Variants in PAMR1 observed in about 807,000 individuals in gnomAD.
The protein encoded by PAMR1 is inactive serine protease PAMR1.
In PAMR1, 88 loss-of-function variants were observed where a neutral mutation model predicts 81.8. The observed-to-expected ratio is 1.08, with a 90% CI of 0.91 to 1.28. The LOEUF (loss-of-function observed/expected upper bound fraction) is 1.28, where lower values mean the gene tolerates loss of function less well. Among genes scored for constraint, PAMR1 ranks in the 50% most tolerant of loss-of-function variants. The probability of loss-of-function intolerance (pLI) is 0.00; values close to 1 mark genes in which losing one functional copy is unlikely to be tolerated. For missense variants in PAMR1, 935 were observed against 919.7 expected (o/e 1.02, Z -0.21); for synonymous variants, 336 against 345.3 (o/e 0.97, Z 0.30).
chr11:35,436,591 G>A (rs1345525432), intron 8 of PAMR1, among the ~76,000 whole-genome samples: 1 of 151,730 alleles, frequency 6.6e-6, no homozygotes, highest in African/African-American at 2.4e-5. Context: ...AGCCAAAAAT[G>A]GCTATCTCAT....
intron 10 of PAMR1, among the ~76,000 whole-genome samples, chr11:35,434,070 G>A (rs1855978726): frequency 6.6e-6 from 1 of 152,098 alleles, no homozygotes; most frequent in African/African-American, 2.4e-5. Context: ...TCTACTTTGA[G>A]CCAGGCACTG....
intron 6 of PAMR1, among the ~76,000 whole-genome samples, chr11:35,453,875 A>G (rs1856471543): frequency 6.6e-6 from 1 of 152,240 alleles, no homozygotes; most frequent in Non-Finnish European, 1.5e-5. Context: ...AATAATAAAT[A>G]GCACATTGCC....
At chr11:35,439,827 G>T in intron 7 of PAMR1, 134 bp from the exon 8 acceptor site, 1 of 706,786 alleles carries the variant, frequency 1.4e-6, no homozygotes, top group Non-Finnish European at 2.5e-6. Flanking sequence ...GGCAAGACAT[G>T]TCAGCCAAGC....
intron 4 of PAMR1, among the ~76,000 whole-genome samples, chr11:35,471,624 C>T (rs561105717): frequency 6.6e-6 from 1 of 152,234 alleles, no homozygotes; most frequent in African/African-American, 2.4e-5. Context: ...AGCACCAAGT[C>T]AGAATTTCAG....
chr11:35,436,187 T>C, intron 8 of PAMR1, 52 bp from the exon 9 acceptor site: 1 of 1,192,034 alleles, frequency 8.4e-7, no homozygotes, highest in Non-Finnish European at 1.2e-6. Context: ...AGAAAGTCAC[T>C]GTGGCCTCTT....
intron 10 of PAMR1, among the ~76,000 whole-genome samples, chr11:35,433,376 T>A (rs1855953224): frequency 6.6e-6 from 1 of 152,254 alleles, no homozygotes; most frequent in South Asian, 2.1e-4. Flanking sequence ...TCATTTACAT[T>A]CAAGCCAGTA....
intron 2 of PAMR1, among the ~76,000 whole-genome samples, chr11:35,493,163 G>A (rs2135400847): frequency 6.6e-6 from 1 of 152,152 alleles, no homozygotes; most frequent in African/African-American, 2.4e-5. Context: ...CATCCATAGA[G>A]CTTCTACCTT....
intron 1 of PAMR1, among the ~76,000 whole-genome samples, chr11:35,512,168 T>A (rs1254007737): frequency 6.6e-6 from 1 of 152,134 alleles, no homozygotes; most frequent in African/African-American, 2.4e-5. Context: ...TGAGGAGAGG[T>A]AGAGGATCGA....
chr11:35,515,085 C>T (rs1851138516), intron 1 of PAMR1, among the ~76,000 whole-genome samples: 1 of 152,172 alleles, frequency 6.6e-6, no homozygotes, highest in Admixed American at 6.5e-5. Context: ...ACATTAAAAA[C>T]AATGAAATAT....
intron 6 of PAMR1, chr11:35,453,416 C>T (rs1393071605): frequency 2.0e-5 from 3 of 152,200 alleles, no homozygotes; most frequent in African/African-American, 4.8e-5. Context: ...GGTGTCTGTA[C>T]ATTCGTATCT....
intron 6 of PAMR1, among the ~76,000 whole-genome samples, chr11:35,462,169 G>GA: frequency 6.6e-6 from 1 of 151,986 alleles, no homozygotes; most frequent in South Asian, 2.1e-4. Flanking sequence ...AACCCCATGA[G>GA]AAAAAGGGAG....
At chr11:35,466,977 C>T (rs2135374516) in intron 6 of PAMR1, among the ~76,000 whole-genome samples, 1 of 152,140 alleles carries the variant, frequency 6.6e-6, no homozygotes. Flanking sequence ...GATTCTCTTT[C>T]AGGGAACTGC....
At chr11:35,492,793 C>T (rs1196492564) in intron 2 of PAMR1, among the ~76,000 whole-genome samples, 1 of 152,212 alleles carries the variant, frequency 6.6e-6, no homozygotes, top group Non-Finnish European at 1.5e-5. Context: ...ACCAGCAGGC[C>T]ACACCAGAGG....
At chr11:35,441,802 G>T in intron 6 of PAMR1, 109 bp from the exon 7 acceptor site, 1 of 660,432 alleles carries the variant, frequency 1.5e-6, no homozygotes, top group Non-Finnish European at 2.5e-6. Flanking sequence ...TATAGGATCT[G>T]GTGCTCAAAA....
intron 3 of PAMR1, among the ~76,000 whole-genome samples, chr11:35,483,280 C>A (rs181192346): frequency 1.3e-5 from 2 of 151,898 alleles, no homozygotes; most frequent in African/African-American, 4.8e-5. Flanking sequence ...CCCCCAGCTT[C>A]CTGCACTCCT....
chr11:35,434,125 G>C (rs1354501092), intron 10 of PAMR1, among the ~76,000 whole-genome samples: 3 of 152,222 alleles, frequency 2.0e-5, no homozygotes, highest in East Asian at 1.9e-4. Context: ...CATTCATGGA[G>C]CTAACGGTTT....
rs151049106 is a variant in PAMR1 at position 35,437,053 on chromosome 11, C to T, written c.1101-918G>A. Among the ~76,000 whole-genome samples the T allele has an allele frequency of 7.9e-5, 12 of 152,168 alleles. No homozygotes were observed. In the East Asian group the frequency reaches 1.5e-3, roughly 20 times the overall value. On this transcript the variant is annotated intron_variant, in intron 8 of 10. Transcript: ENST00000619888. The stretch of plus-strand genomic sequence containing the variant: ...CAGAGAATAGAACTTTCTCTCAGGG[C>T]GCATTGATCGGGAGAAATATGAAGC...
chr11:35,513,789 A>G (rs1851114551), intron 1 of PAMR1, among the ~76,000 whole-genome samples: 1 of 152,176 alleles, frequency 6.6e-6, no homozygotes, highest in Non-Finnish European at 1.5e-5. Context: ...TTATTCCTGG[A>G]CCACAGTCCA....
rs922133656 is a variant in PAMR1, at chr11:35,455,722, C to G, written c.820+12279G>C. Among the ~76,000 whole-genome samples the G allele has an allele frequency of 2.0e-5, 3 of 152,146 alleles. No individual in the cohort carries two copies. The South Asian group carries it at 6.2e-4, about 32-fold the overall frequency. On this transcript the variant is annotated intron_variant, in intron 6 of 10. Coordinates refer to ENST00000619888, the MANE Select transcript of PAMR1 (RefSeq NM_001001991.3). ...TGATTCATTTTCTTAGATCTTCACA[C>G]ATTTAATGAGTGCCTCCTCTGTGCC... is the stretch of plus-strand genomic sequence containing the variant.
Sources: allele counts gnomAD v4.1 joint callset (sites outside exome capture counted in the v4.1 genomes callset), GRCh38; gene constraint gnomAD v4.1.1; transcripts MANE v1.5; gene names NCBI Gene and HGNC (gene_info 2026-07-23, HGNC 2026-07-21).